MRPS31: variants seen among roughly 807,000 people sequenced by gnomAD.
MRPS31 encodes small ribosomal subunit protein mS31.
Under a neutral mutation model 43.1 loss-of-function variants are expected in MRPS31, and 32 were observed. The ratio of observed to expected loss-of-function variants is 0.74; its 90% CI spans 0.56 to 1.00. The LOEUF (loss-of-function observed/expected upper bound fraction) is 1.00, where lower values mean the gene tolerates loss of function less well. MRPS31 is among the 50% of genes least tolerant of loss of function. The pLI, the probability that MRPS31 is intolerant of heterozygous loss-of-function variation, is 0.00. For missense variants in MRPS31, 437 were observed against 466.7 expected, an observed-to-expected ratio of 0.94 and a Z score of 0.59; for synonymous variants, 165 against 161.6, an observed-to-expected ratio of 1.02 and a Z score of -0.16.
At chr13:40,735,473 G>C (rs889257018) in intron 6 of MRPS31, among the ~76,000 whole-genome samples, 3 of 152,214 alleles carry the variant, frequency 2.0e-5, no homozygotes, top group African/African-American at 7.2e-5. Context: ...CCACCTCTGG[G>C]GGCAGGGCGC....
chr13:40,729,625 T>G, intron 6 of MRPS31, 24 bp from the exon 7 acceptor site: 1 of 1,359,358 alleles, frequency 7.4e-7, no homozygotes, highest in Middle Eastern at 1.8e-4. Flanking sequence ...CCAAATACAT[T>G]ACATTATAAT....
At chr13:40,761,761 A>G (rs769890723) in intron 2 of MRPS31, among the ~76,000 whole-genome samples, 3 of 152,194 alleles carry the variant, frequency 2.0e-5, no homozygotes, top group Non-Finnish European at 4.4e-5. Context: ...AATTTCAGAA[A>G]AGAATTCTGA....
chr13:40,765,424 G>A (rs954673102), intron 2 of MRPS31, among the ~76,000 whole-genome samples: 2 of 152,080 alleles, frequency 1.3e-5, no homozygotes, highest in African/African-American at 4.8e-5. Flanking sequence ...TTCTGTAATC[G>A]TTAATTCAAT....
chr13:40,758,126 G>A (rs1427365699), intron 3 of MRPS31, among the ~76,000 whole-genome samples: 1 of 147,288 alleles, frequency 6.8e-6, no homozygotes, highest in African/African-American at 2.5e-5. Flanking sequence ...CTGGGCGACA[G>A]AGCGAGACTC....
At position 40,729,404 on chromosome 13, in the gene MRPS31, T is replaced by C; in HGVS notation, c.1156A>G (p.Ile386Val). The change falls in exon 7 of 7, where the codon ATT becomes GTT. Residue 386 changes from isoleucine (I) to valine (V), a missense_variant. Transcript: ENST00000323563. ...FRNYFNEKKD[I>V]LKESNIQFN is the part of the protein sequence containing the mutation. Reference sequence around the variant, plus strand: ...AACTGTATGTTACTTTCTTTTAGAATATCCTTTTTTTCATTAAAATAATTT... The same window carrying C: ...AACTGTATGTTACTTTCTTTTAGAACATCCTTTTTTTCATTAAAATAATTT... The C allele has an allele frequency of 6.5e-7, 1 of 1,545,022 alleles. No individual in the cohort carries two copies. The highest frequency in any genetic ancestry group is 8.9e-7 in the Non-Finnish European group (1 of 1,125,828).
intron 1 of MRPS31, 34 bp downstream of exon 1, chr13:40,770,951 A>G (rs1243159447): frequency 6.2e-7 from 1 of 1,613,728 alleles, no homozygotes; most frequent in African/African-American, 1.3e-5. Flanking sequence ...CGGAGGATGT[A>G]CAGGACGGGG....
chr13:40,735,370 GCCCA>G (rs1566104031), intron 6 of MRPS31, among the ~76,000 whole-genome samples: 1 of 152,192 alleles, frequency 6.6e-6, no homozygotes, highest in East Asian at 1.9e-4. Context: ...GCCCACCATT[GCCCA>G]GGCTTGCTTA....
At chr13:40,730,460 G>A (rs1879648770) in intron 6 of MRPS31, among the ~76,000 whole-genome samples, 1 of 152,106 alleles carries the variant, frequency 6.6e-6, no homozygotes, top group Admixed American at 6.5e-5. Flanking sequence ...AAGAGGCAAA[G>A]GTTGTAGGGA....
chr13:40,759,378 C>T (rs1371538847), intron 2 of MRPS31, among the ~76,000 whole-genome samples: 2 of 151,958 alleles, frequency 1.3e-5, no homozygotes, highest in Admixed American at 1.3e-4. Flanking sequence ...GTGGAGGCTG[C>T]AGTGAACCAA....
intron 2 of MRPS31, 32 bp from the exon 3 acceptor site, chr13:40,759,138 G>T: frequency 6.7e-7 from 1 of 1,494,684 alleles, no homozygotes. Context: ...AAATGAGAAA[G>T]AAAAAAAAAG....
intron 5 of MRPS31, among the ~76,000 whole-genome samples, chr13:40,753,756 C>T (rs1880454879): frequency 6.6e-6 from 1 of 152,194 alleles, no homozygotes. Context: ...CAGGAATGTC[C>T]AGTATGTAAT....
intron 6 of MRPS31, among the ~76,000 whole-genome samples, chr13:40,743,006 C>A (rs562430441): frequency 6.6e-6 from 1 of 151,986 alleles, no homozygotes; most frequent in Non-Finnish European, 1.5e-5. Context: ...AAGGACTTCA[C>A]GACAAAGTCA....
intron 5 of MRPS31, among the ~76,000 whole-genome samples, chr13:40,752,832 G>C (rs1880428530): frequency 6.6e-6 from 1 of 151,814 alleles, no homozygotes; most frequent in Non-Finnish European, 1.5e-5. Context: ...CTCAAATTCT[G>C]GGCTCCAGTG....
chr13:40,770,495 A>T (rs1880976432), intron 1 of MRPS31, among the ~76,000 whole-genome samples: 1 of 152,150 alleles, frequency 6.6e-6, no homozygotes, highest in Non-Finnish European at 1.5e-5. Flanking sequence ...GTACTCATTC[A>T]TGTTGGCTGA....
At chr13:40,730,183 T>C (rs1319259528) in intron 6 of MRPS31, among the ~76,000 whole-genome samples, 2 of 152,104 alleles carry the variant, frequency 1.3e-5, no homozygotes, top group African/African-American at 4.8e-5. Flanking sequence ...ACACAAACTA[T>C]ATATAAAGTT....
At chr13:40,755,013 G>A (rs1479953181) in intron 4 of MRPS31, among the ~76,000 whole-genome samples, 3 of 152,250 alleles carry the variant, frequency 2.0e-5, no homozygotes, top group Admixed American at 6.5e-5. Context: ...CAGGCTGGGC[G>A]ATAAGAGCGA....
At chr13:40,762,782 TTGTGTGTGTGTGTGTGTGTGTGTGTG>T (rs60906711) in intron 2 of MRPS31, among the ~76,000 whole-genome samples, 94 of 129,988 alleles carry the variant, frequency 7.2e-4, no homozygotes, top group East Asian at 2.0e-3. Flanking sequence ...AGTATAGACA[TTGTGTGTGTGTGTGTGTGTGTGTGTG>T]TGTGTGTGTG....
chr13:40,757,440 C>CTTTT (rs11291870), intron 3 of MRPS31, among the ~76,000 whole-genome samples: 11 of 96,928 alleles, frequency 1.1e-4, no homozygotes, highest in Non-Finnish European at 1.7e-4. Context: ...CTATGTCTTC[C>CTTTT]TTTTTTTTTT....
intron 6 of MRPS31, among the ~76,000 whole-genome samples, chr13:40,744,853 A>T (rs1267733275): frequency 1.3e-5 from 2 of 152,106 alleles, no homozygotes; most frequent in African/African-American, 4.8e-5. Context: ...ACCTGAGGTG[A>T]TCCGCCCACC....
Sources: gnomAD v4.1 joint callset for allele counts (sites outside exome capture counted in the v4.1 genomes callset) on GRCh38, gnomAD v4.1.1 for gene constraint, MANE v1.5 for transcripts, NCBI Gene and HGNC (gene_info 2026-07-23, HGNC 2026-07-21) for gene names.